CD226: variants seen among roughly 807,000 people sequenced by gnomAD.
CD226 encodes the protein CD226 molecule, also known as CD226 antigen.
In CD226, 24 loss-of-function variants were observed where a neutral mutation model predicts 34.9. The ratio of observed to expected loss-of-function variants is 0.69; its 90% CI spans 0.50 to 0.97. The LOEUF (loss-of-function observed/expected upper bound fraction) is 0.97. Ranked by LOEUF, CD226 falls within the 50% of genes least tolerant of loss-of-function variation. The probability of loss-of-function intolerance (pLI) is 0.00; values close to 1 mark genes in which losing one functional copy is unlikely to be tolerated. For missense variants in CD226, 397 were observed against 412.7 expected (o/e 0.96, Z 0.33); for synonymous variants, 148 against 147.4 (o/e 1.00, Z -0.03).
intron 3 of CD226, among the ~76,000 whole-genome samples, chr18:69,883,059 T>C (rs1984357004): frequency 6.6e-6 from 1 of 152,196 alleles, no homozygotes; most frequent in Non-Finnish European, 1.5e-5. Context: ...TGTGTTCATG[T>C]CTGTAGACAT....
At chr18:69,878,429 C>G (rs550873077) in intron 3 of CD226, among the ~76,000 whole-genome samples, 3 of 152,098 alleles carry the variant, frequency 2.0e-5, no homozygotes, top group Non-Finnish European at 4.4e-5. Flanking sequence ...GAGTTATACA[C>G]TCTTAGAAAA....
chr18:69,952,380 T>TAAAACTGCCCTTGTAC (rs1258029712), upstream of CD226, among the ~76,000 whole-genome samples: 2 of 152,186 alleles, frequency 1.3e-5, no homozygotes, highest in Non-Finnish European at 2.9e-5. Flanking sequence ...CACTACATAA[T>TAAAACTGCCCTTGTAC]AAAACTGCCC....
intron 2 of CD226, among the ~76,000 whole-genome samples, chr18:69,940,016 C>A (rs191570874): frequency 8.7e-4 from 132 of 152,282 alleles, no homozygotes; most frequent in African/African-American, 2.9e-3. Context: ...GTGGGAGAGA[C>A]CAGGTGGAGA....
At chr18:69,957,329 C>T (rs1047161350), upstream of CD226, among the ~76,000 whole-genome samples, 1 of 148,848 alleles carries the variant, frequency 6.7e-6, no homozygotes, top group Non-Finnish European at 1.5e-5. Flanking sequence ...AAGTATGTTT[C>T]GGTCTTACTT....
chr18:69,874,518 G>A (rs1012926936), intron 3 of CD226, among the ~76,000 whole-genome samples: 5 of 152,156 alleles, frequency 3.3e-5, no homozygotes, highest in Non-Finnish European at 7.4e-5. Flanking sequence ...CAGGCTCTGA[G>A]AGGGCAGCAC....
chr18:69,854,127 G>A lies in CD226; in HGVS notation c.*10187C>T, dbSNP rs1474872193. 2.6e-5 allele frequency: 4 copies of A among 152,102 alleles called. No individual in the cohort carries two copies. The highest frequency in any genetic ancestry group is 5.9e-5 in the Non-Finnish European group (4 of 68,030). 9.4% of individuals were successfully genotyped at this position (152,102 alleles called of 1,614,324 possible). On this transcript the variant is annotated 3_prime_UTR_variant, in exon 6 of 6. Coordinates refer to ENST00000582621, the MANE Select transcript of CD226 (RefSeq NM_001303618.2). ...ATCATGTTAAGGCATGGAAGATGTT[G>A]CTGCCATGCTTATAACAAGACAAAG...
intron 2 of CD226, 131 bp downstream of exon 2, chr18:69,946,603 A>T (rs534602576): frequency 1.5e-6 from 1 of 656,060 alleles, no homozygotes; most frequent in South Asian, 2.0e-5. Flanking sequence ...ACATCAAAGC[A>T]TCTAGAAATG....
chr18:69,868,755 C>T (rs1354227591), intron 4 of CD226, among the ~76,000 whole-genome samples: 1 of 152,132 alleles, frequency 6.6e-6, no homozygotes, highest in East Asian at 1.9e-4. Context: ...ACGTTCCCAA[C>T]CAGGCCCAAA....
chr18:69,919,904 G>T (rs2055431121), intron 2 of CD226, among the ~76,000 whole-genome samples: 1 of 149,094 alleles, frequency 6.7e-6, no homozygotes, highest in South Asian at 2.1e-4. Flanking sequence ...CAAAGACAAG[G>T]TCTCGCTCTA....
chr18:69,865,922 A>G (rs1273112103), intron 5 of CD226, among the ~76,000 whole-genome samples: 3 of 152,218 alleles, frequency 2.0e-5, no homozygotes, highest in Non-Finnish European at 4.4e-5. Flanking sequence ...CTGTAACAAA[A>G]TACTGTAGAC....
intron 2 of CD226, among the ~76,000 whole-genome samples, chr18:69,931,453 A>G (rs1465199010): frequency 6.6e-6 from 1 of 152,202 alleles, no homozygotes; most frequent in Non-Finnish European, 1.5e-5. Context: ...AGAAGAAAAA[A>G]ACAGACAACA....
intron 2 of CD226, among the ~76,000 whole-genome samples, chr18:69,896,572 T>C (rs1002113637): frequency 1.3e-5 from 2 of 152,198 alleles, no homozygotes; most frequent in African/African-American, 2.4e-5. Flanking sequence ...GAGGATATGA[T>C]TGTTCACACA....
chr18:69,905,173 C>T (rs1002623237), intron 2 of CD226, among the ~76,000 whole-genome samples: 6 of 152,102 alleles, frequency 3.9e-5, no homozygotes, highest in African/African-American at 4.8e-5. Context: ...GAAGGGACTC[C>T]GGTGACAGCC....
At chr18:69,887,754 C>CT (rs1984646897) in intron 3 of CD226, among the ~76,000 whole-genome samples, 2 of 152,106 alleles carry the variant, frequency 1.3e-5, no homozygotes, top group Non-Finnish European at 2.9e-5. Context: ...CATGGCCTAC[C>CT]TTTGAGTTCT....
chr18:69,881,185 T>C (rs565582698), intron 3 of CD226, among the ~76,000 whole-genome samples: 1 of 152,350 alleles, frequency 6.6e-6, no homozygotes, highest in East Asian at 1.9e-4. Flanking sequence ...ATTAACTTTT[T>C]TTAGATTTTA....
At position 69,861,572 on chromosome 18, in the gene CD226, A is replaced by ATG. The variant is rs930563153; in HGVS notation, c.*2740_*2741dup. ...TATATATGTATATATATATATATAT[A>ATG]TGTAAAACTTAAGAAGCATTTTGCT... On this transcript the variant is annotated 3_prime_UTR_variant, in exon 6 of 6. Transcript: ENST00000582621. The ATG allele has an allele frequency of 1.4e-5, 2 of 144,932 alleles. No homozygotes were observed. The highest frequency in any genetic ancestry group is 5.0e-5 in the African/African-American group (2 of 39,820). The allele number at this position is 144,932 out of a possible 1,614,324, so 9.0% of individuals were successfully genotyped here.
In CD226 at chr18:69,862,426, T is replaced by C. The variant is rs1982876402; in HGVS notation, c.*1888A>G. 6.6e-6 allele frequency: 1 copy of C among 152,202 alleles called. No homozygotes were observed. The highest frequency in any genetic ancestry group is 2.4e-5 in the African/African-American group (1 of 41,478). The allele number at this position is 152,202 out of a possible 1,614,324, so 9.4% of individuals were successfully genotyped here. On this transcript the variant is annotated 3_prime_UTR_variant, in exon 6 of 6. Coordinates refer to ENST00000582621, the MANE Select transcript of CD226 (RefSeq NM_001303618.2). ...ACAGAATCTTTGATTGATCTGATAG[T>C]AGAGTGCTTTCTTGTAAACTGCCTT...
In CD226 at chr18:69,884,897, T is replaced by C. The variant is rs562113016; in HGVS notation, c.727+10804A>G. 2.0e-5 allele frequency among the ~76,000 whole-genome samples: 3 copies of C among 152,354 alleles called. No homozygotes were observed. In the South Asian group the frequency reaches 6.2e-4, roughly 32 times the overall value. On this transcript the variant is annotated intron_variant, in intron 3 of 5. Transcript: ENST00000582621. ...TGTATGAGAGAGTGAGATTTCTTTG[T>C]CTTTGCAGTCTCTTAGGAGGTTGCC...
intron 2 of CD226, among the ~76,000 whole-genome samples, chr18:69,918,351 G>A (rs1357005458): frequency 2.6e-5 from 4 of 152,116 alleles, no homozygotes; most frequent in African/African-American, 4.8e-5. Context: ...TCAGGAGTTT[G>A]AGACCAGCCT....
Sources: allele counts gnomAD v4.1 joint callset (sites outside exome capture counted in the v4.1 genomes callset), GRCh38; gene constraint gnomAD v4.1.1; transcripts MANE v1.5; gene names NCBI Gene and HGNC (gene_info 2026-07-23, HGNC 2026-07-21).